The following FUT9 variants were observed in gnomAD, a reference collection of about 807,000 sequenced individuals.
The protein encoded by FUT9 is 4-galactosyl-N-acetylglucosaminide 3-alpha-L-fucosyltransferase 9.
A neutral mutation model predicts 29.7 loss-of-function variants in FUT9; 15 were observed. That is an observed-to-expected ratio of 0.51 (90% CI 0.34 to 0.78). FUT9 has a LOEUF of 0.78. FUT9 is among the 30% of genes least tolerant of loss of function. The pLI, the probability that FUT9 is intolerant of heterozygous loss-of-function variation, is 0.01. For missense variants in FUT9, 319 were observed against 425.4 expected (o/e 0.75, Z 2.20); for synonymous variants, 169 against 153.7 (o/e 1.10, Z -0.74).
chr6:96,025,907 T>C (rs138333249), intron 1 of FUT9, among the ~76,000 whole-genome samples: 193 of 151,808 alleles, frequency 1.3e-3, no homozygotes, highest in Non-Finnish European at 2.4e-3. Flanking sequence ...TTCACAGCAA[T>C]AGCAGTAGCA....
At chr6:96,183,075 G>T (rs916108039) in intron 2 of FUT9, among the ~76,000 whole-genome samples, 2 of 151,982 alleles carry the variant, frequency 1.3e-5, no homozygotes, top group Non-Finnish European at 2.9e-5. Context: ...CCATGAGCAC[G>T]GGATGTGTTT....
chr6:96,174,680 T>C lies in FUT9; in HGVS notation c.-8-28468T>C, dbSNP rs1582285485. Among the ~76,000 whole-genome samples the C allele has an allele frequency of 2.0e-5, 3 of 152,262 alleles. No individual in the cohort carries two copies. The South Asian group carries it at 6.2e-4, about 32-fold the overall frequency. ...TTCCCCCAGTTCATCATTGTGCTTT[T>C]ATTTGGAACCAGGAAAAGAAACAAT... On this transcript the variant is annotated intron_variant, in intron 2 of 2. Transcript: ENST00000302103.
At chr6:96,085,136 A>G (rs1403669585) in intron 1 of FUT9, among the ~76,000 whole-genome samples, 2 of 152,214 alleles carry the variant, frequency 1.3e-5, no homozygotes, top group Admixed American at 6.6e-5. Context: ...ATAAGCAAAC[A>G]TTAGAGATTC....
chr6:96,108,629 T>C (rs1771738514), intron 1 of FUT9, among the ~76,000 whole-genome samples: 1 of 152,132 alleles, frequency 6.6e-6, no homozygotes. Flanking sequence ...TCCATTACAC[T>C]CTCTACCACT....
intron 2 of FUT9, among the ~76,000 whole-genome samples, chr6:96,142,598 A>G (rs9373670): frequency 0.18 from 26,633 of 151,990 alleles, 2,715 homozygotes; most frequent in East Asian, 0.31. Context: ...CTGTCTCTTC[A>G]CTCTCTTTTG....
chr6:96,185,715 A>G (rs1283104207), intron 2 of FUT9, among the ~76,000 whole-genome samples: 3 of 152,108 alleles, frequency 2.0e-5, no homozygotes, highest in Admixed American at 1.3e-4. Flanking sequence ...GTGGGAGGGA[A>G]AAAAGCAAGA....
chr6:96,076,960 C>G (rs1771150196), intron 1 of FUT9, among the ~76,000 whole-genome samples: 1 of 152,076 alleles, frequency 6.6e-6, no homozygotes, highest in Non-Finnish European at 1.5e-5. Flanking sequence ...TATGAATATG[C>G]AAAATTTTTA....
At chr6:96,080,262 T>TG (rs1369155438) in intron 1 of FUT9, among the ~76,000 whole-genome samples, 1 of 151,982 alleles carries the variant, frequency 6.6e-6, no homozygotes, top group African/African-American at 2.4e-5. Flanking sequence ...ATTTTTTCAA[T>TG]GGTTATTTGT....
intron 2 of FUT9, among the ~76,000 whole-genome samples, chr6:96,202,378 C>T (rs1466603651): frequency 6.6e-6 from 1 of 151,884 alleles, no homozygotes; most frequent in Non-Finnish European, 1.5e-5. Flanking sequence ...AGCCCTTAGG[C>T]TATGTAAGTG....
In FUT9 at chr6:96,044,352, A is replaced by T. The variant is rs552576370; in HGVS notation, c.-98+28140A>T. On this transcript the variant is annotated intron_variant, in intron 1 of 2. Transcript: ENST00000302103. ...ACTTTTGTTGGCACAAAGAGACAGA[A>T]CTAAATAGCAAACCCATTTGCATTT... 2.4e-3 allele frequency among the ~76,000 whole-genome samples: 365 copies of T among 152,358 alleles called. 1 individual carries two copies. Among genetic ancestry groups the T allele is most frequent in the African/African-American group, 8.6e-3 (357 of 41,592 alleles).
chr6:96,077,628 A>T (rs1436000028), intron 1 of FUT9, among the ~76,000 whole-genome samples: 1 of 151,958 alleles, frequency 6.6e-6, no homozygotes, highest in Non-Finnish European at 1.5e-5. Flanking sequence ...CATTCTGTAG[A>T]TTCCCTACAG....
At chr6:96,173,976 G>A (rs929484248) in intron 2 of FUT9, among the ~76,000 whole-genome samples, 1 of 152,074 alleles carries the variant, frequency 6.6e-6, no homozygotes, top group South Asian at 2.1e-4. Flanking sequence ...AAAAAGGAAT[G>A]TGAAATTTTA....
intron 2 of FUT9, among the ~76,000 whole-genome samples, chr6:96,172,874 T>G (rs1773139100): frequency 6.6e-6 from 1 of 152,146 alleles, no homozygotes; most frequent in South Asian, 2.1e-4. Context: ...AAGAGAGCCA[T>G]GTACAAACAT....
chr6:96,085,009 TG>T (rs546924447), intron 1 of FUT9, among the ~76,000 whole-genome samples: 10 of 152,298 alleles, frequency 6.6e-5, no homozygotes, highest in Admixed American at 1.3e-4. Context: ...CATTGCTAAA[TG>T]TATGTATTTC....
intron 1 of FUT9, among the ~76,000 whole-genome samples, chr6:96,073,886 C>T (rs1455727203): frequency 2.0e-5 from 3 of 152,060 alleles, no homozygotes; most frequent in East Asian, 3.9e-4. Context: ...TCATTCATTC[C>T]CAACTTGAAT....
intron 1 of FUT9, among the ~76,000 whole-genome samples, chr6:96,070,693 A>T (rs1176368315): frequency 6.6e-6 from 1 of 152,186 alleles, no homozygotes; most frequent in Non-Finnish European, 1.5e-5. Context: ...TCTCAAAAAA[A>T]AATTAATTAA....
intron 1 of FUT9, among the ~76,000 whole-genome samples, chr6:96,072,635 T>C (rs1771081410): frequency 6.6e-6 from 1 of 152,216 alleles, no homozygotes; most frequent in Non-Finnish European, 1.5e-5. Flanking sequence ...GCCTTTGTGT[T>C]CCATGAATTT....
intron 1 of FUT9, among the ~76,000 whole-genome samples, chr6:96,106,747 GAA>G (rs1771693573): frequency 6.6e-6 from 1 of 152,196 alleles, no homozygotes; most frequent in Non-Finnish European, 1.5e-5. Context: ...CCTGTTACAA[GAA>G]AAGTCATGGC....
chr6:96,119,178 A>G (rs556319289), intron 2 of FUT9, among the ~76,000 whole-genome samples: 2 of 152,090 alleles, frequency 1.3e-5, no homozygotes, highest in Admixed American at 6.6e-5. Flanking sequence ...CTCACCACTC[A>G]CTCACTGACT....
Sources: allele counts gnomAD v4.1 joint callset (sites outside exome capture counted in the v4.1 genomes callset), GRCh38; gene constraint gnomAD v4.1.1; transcripts MANE v1.5; gene names NCBI Gene and HGNC (gene_info 2026-07-23, HGNC 2026-07-21).